HSD11B1: variants seen among roughly 807,000 people sequenced by gnomAD.
The protein encoded by HSD11B1 is hydroxysteroid 11-beta dehydrogenase 1, also known as 11-beta-hydroxysteroid dehydrogenase 1.
Under a neutral mutation model 22.1 loss-of-function variants are expected in HSD11B1, and 15 were observed. The observed-to-expected ratio is 0.68, with a 90% CI of 0.45 to 1.04. HSD11B1 has a LOEUF of 1.04. HSD11B1 is among the 50% of genes least tolerant of loss of function. HSD11B1 has a pLI of 0.00. For synonymous variants in HSD11B1, 122 were observed against 125.2 expected (o/e 0.97, Z 0.17); for missense variants, 281 against 357.6 (o/e 0.79, Z 1.73).
chr1:209,729,363 A>AACACACACAC (rs34574844), intron 4 of HSD11B1, among the ~76,000 whole-genome samples: 4,904 of 146,352 alleles, frequency 0.034, 86 homozygotes, highest in Non-Finnish European at 0.043. Flanking sequence ...TGCCTCGGAA[A>AACACACACAC]ACACACACAC....
chr1:209,716,190 C>T (rs539240538), intron 4 of HSD11B1, among the ~76,000 whole-genome samples: 140 of 152,018 alleles, frequency 9.2e-4, no homozygotes, highest in African/African-American at 3.2e-3. Context: ...AAAGCCTAAA[C>T]GCTCCACAAA....
intron 4 of HSD11B1, among the ~76,000 whole-genome samples, chr1:209,708,482 C>T (rs1047287028): frequency 4.6e-5 from 7 of 152,074 alleles, no homozygotes; most frequent in African/African-American, 1.4e-4. Flanking sequence ...GATATGCATC[C>T]CGGTGCTTCC....
At chr1:209,703,255 T>C (rs1485590120), upstream of HSD11B1, among the ~76,000 whole-genome samples, 1 of 152,226 alleles carries the variant, frequency 6.6e-6, no homozygotes, top group Non-Finnish European at 1.5e-5. Context: ...AAATAACTTT[T>C]CATTGTTTCC....
At chr1:209,707,405 G>A (rs2076867105) in intron 4 of HSD11B1, among the ~76,000 whole-genome samples, 1 of 151,830 alleles carries the variant, frequency 6.6e-6, no homozygotes, top group Non-Finnish European at 1.5e-5. Context: ...CTAAGGGAGA[G>A]ACCTAGTTAC....
chr1:209,732,681 G>C, intron 5 of HSD11B1, 102 bp downstream of exon 5: 1 of 970,644 alleles, frequency 1.0e-6, no homozygotes, highest in Non-Finnish European at 1.6e-6. Context: ...CATGTGCCAT[G>C]TTGGTGTGCT....
intron 4 of HSD11B1, among the ~76,000 whole-genome samples, chr1:209,710,684 A>C (rs1334691826): frequency 1.3e-5 from 2 of 152,148 alleles, no homozygotes; most frequent in Admixed American, 6.5e-5. Context: ...GGAAAATGCA[A>C]GGTATATTTT....
intron 4 of HSD11B1, 143 bp downstream of exon 4, chr1:209,707,271 A>G: frequency 1.4e-6 from 1 of 732,862 alleles, no homozygotes; most frequent in South Asian, 1.6e-5. Flanking sequence ...GTGGGCTACA[A>G]AATTCTTTTA....
At chr1:209,728,029 A>G (rs2077014238) in intron 4 of HSD11B1, among the ~76,000 whole-genome samples, 1 of 152,230 alleles carries the variant, frequency 6.6e-6, no homozygotes, top group African/African-American at 2.4e-5. Context: ...GGCTAGAAAG[A>G]TAAAGGCTCT....
At chr1:209,723,771 G>A (rs2076982870) in intron 4 of HSD11B1, among the ~76,000 whole-genome samples, 1 of 152,206 alleles carries the variant, frequency 6.6e-6, no homozygotes, top group Non-Finnish European at 1.5e-5. Context: ...ACAATGCAGG[G>A]AAGAGGATAA....
At chr1:209,688,427 T>C (rs1257532942) in intron 1 of HSD11B1, among the ~76,000 whole-genome samples, 1 of 152,192 alleles carries the variant, frequency 6.6e-6, no homozygotes, top group African/African-American at 2.4e-5. Flanking sequence ...ACTTGCCAAC[T>C]TTCCTTGTGC....
intron 1 of HSD11B1, 101 bp from the exon 2 acceptor site, chr1:209,705,710 T>A (rs960849192): frequency 6.6e-5 from 96 of 1,451,006 alleles, no homozygotes; most frequent in Admixed American, 3.9e-4. Context: ...CTCATAACCT[T>A]TAAGTTACAA....
intron 4 of HSD11B1, among the ~76,000 whole-genome samples, chr1:209,712,831 A>T (rs896284225): frequency 5.3e-5 from 8 of 152,184 alleles, no homozygotes; most frequent in African/African-American, 1.9e-4. Flanking sequence ...CAGACGGATC[A>T]CGAGGTCAGG....
intron 4 of HSD11B1, among the ~76,000 whole-genome samples, chr1:209,713,886 G>C (rs1055267154): frequency 6.6e-6 from 1 of 152,226 alleles, no homozygotes; most frequent in African/African-American, 2.4e-5. Flanking sequence ...CATGGATACA[G>C]AGGGCTGCCT....
Position 209,712,942 on chromosome 1 carries a change from G to A in HSD11B1, c.517+5814G>A, listed in dbSNP as rs985695707. Among the ~76,000 whole-genome samples the A allele has an allele frequency of 2.0e-5, 3 of 152,114 alleles. No individual in the cohort carries two copies. In the South Asian group the frequency reaches 6.2e-4, roughly 31 times the overall value. ...TGGGTGCCTGTAGTCCCAGCTACTTGGGAGGCTGAGGCAGGAGAATCGCTT... is the reference window on the plus strand; with the variant it reads ...TGGGTGCCTGTAGTCCCAGCTACTTAGGAGGCTGAGGCAGGAGAATCGCTT... On this transcript the variant is annotated intron_variant, in intron 4 of 5. Coordinates refer to ENST00000367027, the MANE Select transcript of HSD11B1 (RefSeq NM_005525.4).
intron 4 of HSD11B1, among the ~76,000 whole-genome samples, chr1:209,711,511 G>A (rs562551719): frequency 6.6e-6 from 1 of 152,286 alleles, no homozygotes; most frequent in East Asian, 1.9e-4. Flanking sequence ...GTGAGTGGAA[G>A]TGTTTATCCA....
chr1:209,730,109 G>C (rs866347271), intron 4 of HSD11B1, among the ~76,000 whole-genome samples: 2 of 152,062 alleles, frequency 1.3e-5, no homozygotes, highest in Non-Finnish European at 2.9e-5. Context: ...ATTCAACGTA[G>C]TACTGGAAGT....
chr1:209,698,958 G>A (rs936819837), intron 1 of HSD11B1, among the ~76,000 whole-genome samples: 31 of 152,046 alleles, frequency 2.0e-4, no homozygotes, highest in Non-Finnish European at 1.5e-5. Context: ...AGCACACAGA[G>A]GGCAATTTAT....
intron 4 of HSD11B1, among the ~76,000 whole-genome samples, chr1:209,726,082 A>G (rs2076999141): frequency 6.6e-6 from 1 of 152,022 alleles, no homozygotes; most frequent in Non-Finnish European, 1.5e-5. Flanking sequence ...AGAGATCAAG[A>G]CCATCCTGGC....
intron 4 of HSD11B1, 32 bp downstream of exon 4, chr1:209,707,160 G>GAA: frequency 6.5e-7 from 1 of 1,532,212 alleles, no homozygotes; most frequent in African/African-American, 1.8e-5. Context: ...GTGGAAGGTA[G>GAA]AAGAAAAAAA....
Sources: gnomAD v4.1 joint callset for allele counts (sites outside exome capture counted in the v4.1 genomes callset) on GRCh38, gnomAD v4.1.1 for gene constraint, MANE v1.5 for transcripts, NCBI Gene and HGNC (gene_info 2026-07-23, HGNC 2026-07-21) for gene names.